The following KIF21A variants were observed in gnomAD, a reference collection of about 807,000 sequenced individuals.
KIF21A encodes the protein kinesin-like protein KIF21A.
In KIF21A, 114 loss-of-function variants were observed where a neutral mutation model predicts 202.9. That is an observed-to-expected ratio of 0.56 (90% CI 0.48 to 0.66). The LOEUF (loss-of-function observed/expected upper bound fraction) is 0.66. KIF21A is among the 30% of genes least tolerant of loss of function. The probability of loss-of-function intolerance (pLI) is 0.00; values close to 1 mark genes in which losing one functional copy is unlikely to be tolerated. For missense variants in KIF21A, 1,677 were observed against 1,994.9 expected, an observed-to-expected ratio of 0.84 and a Z score of 3.04; for synonymous variants, 667 against 670.8, an observed-to-expected ratio of 0.99 and a Z score of 0.09.
chr12:39,411,729 G>T (rs180881319), intron 1 of KIF21A, among the ~76,000 whole-genome samples: 1 of 152,030 alleles, frequency 6.6e-6, no homozygotes, highest in Non-Finnish European at 1.5e-5. Context: ...TAGAGATGAG[G>T]TTTTGCTATG....
Position 39,415,453 on chromosome 12 carries a change from G to A in KIF21A, c.44+27474C>T, listed in dbSNP as rs1953495226. Among the ~76,000 whole-genome samples, 5 of 151,946 alleles carry A rather than the reference G, an allele frequency of 3.3e-5. No individual in the cohort carries two copies. The South Asian group carries it at 1.0e-3, about 32-fold the overall frequency. On this transcript the variant is annotated intron_variant, in intron 1 of 37. Transcript: ENST00000361418. ...GACGGGGTTTCACCGCATTAGCCAG[G>A]ATGGTCTCGATCTCCTCAACTCGTG...
intron 20 of KIF21A, 66 bp from the exon 21 acceptor site, chr12:39,332,474 C>CG: frequency 1.2e-6 from 1 of 813,488 alleles, no homozygotes; most frequent in Non-Finnish European, 1.9e-6. Context: ...TACCATCAAA[C>CG]CCCCCCACCC....
chr12:39,366,565 A>G, intron 5 of KIF21A, 48 bp from the exon 6 acceptor site: 1 of 1,361,646 alleles, frequency 7.3e-7, no homozygotes, highest in Non-Finnish European at 1.0e-6. Flanking sequence ...TGTAACATTA[A>G]ATATCCTCCT....
intron 24 of KIF21A, among the ~76,000 whole-genome samples, chr12:39,328,268 A>ACC (rs200227328): frequency 6.0e-5 from 9 of 150,612 alleles, no homozygotes; most frequent in Admixed American, 6.0e-4. Context: ...TACATATGTC[A>ACC]CCCCCCCCAG....
chr12:39,356,370 G>A (rs1268820592), intron 10 of KIF21A, among the ~76,000 whole-genome samples: 1 of 152,190 alleles, frequency 6.6e-6, no homozygotes, highest in Non-Finnish European at 1.5e-5. Flanking sequence ...GTGAATGGAT[G>A]TACCACAGAG....
At chr12:39,334,200 C>CAAAAAAAAAAA (rs576176350) in intron 17 of KIF21A, among the ~76,000 whole-genome samples, 15 of 63,692 alleles carry the variant, frequency 2.4e-4, no homozygotes, top group African/African-American at 4.3e-4. Flanking sequence ...GACTCCATCT[C>CAAAAAAAAAAA]AAAAAAAAAA....
chr12:39,360,133 A>G (rs1311057174), intron 7 of KIF21A, among the ~76,000 whole-genome samples: 8 of 152,214 alleles, frequency 5.3e-5, no homozygotes, highest in Non-Finnish European at 2.9e-5. Flanking sequence ...AACATCATAT[A>G]TTAAACAAAA....
intron 1 of KIF21A, among the ~76,000 whole-genome samples, chr12:39,428,577 G>A (rs11172108): frequency 0.33 from 49,555 of 152,024 alleles, 9,978 homozygotes; most frequent in African/African-American, 0.57. Flanking sequence ...AATATGCAAT[G>A]TGACTTGTCT....
In KIF21A at chr12:39,311,407, C is replaced by T. The variant is rs2137378976; in HGVS notation, c.4096+10G>A. On this transcript the variant is annotated intron_variant, in intron 32 of 37. Transcript: ENST00000361418. ...GCTATTAAATATCTGCATTAGATAA[C>T]TACTAGCACCTTTTGATCCAGTGAA... 2 of 1,611,298 alleles carry T rather than the reference C, an allele frequency of 1.2e-6. No homozygotes were observed. Among genetic ancestry groups the T allele is most frequent in the Non-Finnish European group, 1.7e-6 (2 of 1,177,844 alleles).
intron 1 of KIF21A, among the ~76,000 whole-genome samples, chr12:39,391,650 C>T (rs767157124): frequency 2.0e-5 from 3 of 152,092 alleles, no homozygotes; most frequent in Non-Finnish European, 2.9e-5. Context: ...CTCTATCATA[C>T]CTATGTATAT....
chr12:39,303,264 G>T, intron 35 of KIF21A, 129 bp from the exon 36 acceptor site: 1 of 747,236 alleles, frequency 1.3e-6, no homozygotes, highest in Non-Finnish European at 2.2e-6. Flanking sequence ...TATTGTTTCT[G>T]GTTTGTTAAA....
At position 39,358,073 on chromosome 12, in the gene KIF21A, A is replaced by T. The variant is rs1296380681; in HGVS notation, c.1215+105T>A. 6 of 995,076 alleles carry T rather than the reference A, an allele frequency of 6.0e-6. No individual in the cohort carries two copies. In the East Asian group the frequency reaches 9.5e-5, roughly 16 times the overall value. 61.6% of individuals were successfully genotyped at this position (995,076 alleles called of 1,614,324 possible). A position where few individuals can be genotyped will look rare whatever the true frequency, so the allele number is the denominator to read the frequency against. ...CAAAAGGAAGGAGGACACTATTATG[A>T]CAACCAAGAGATTCCAGAAACACGT... On this transcript the variant is annotated intron_variant, in intron 8 of 37. Transcript: ENST00000361418.
chr12:39,311,799 T>C, intron 31 of KIF21A: 1 of 447,146 alleles, frequency 2.2e-6, no homozygotes, highest in South Asian at 2.7e-5. Context: ...ATAATACATC[T>C]AGATTTTCTT....
chr12:39,332,198 T>A lies in KIF21A; in HGVS notation c.3051+16A>T. The stretch of plus-strand genomic sequence containing the variant: ...ACTTTTCATTAAACCATTACGCTTT[T>A]TTAAAAATTACAAACCTTTGCTTCT... On this transcript the variant is annotated intron_variant, in intron 21 of 37. Coordinates refer to ENST00000361418, the MANE Select transcript of KIF21A (RefSeq NM_001173464.2). 1 of 1,610,420 alleles carries A rather than the reference T, an allele frequency of 6.2e-7. No individual in the cohort carries two copies. Among genetic ancestry groups the A allele is most frequent in the Non-Finnish European group, 8.5e-7 (1 of 1,177,360 alleles).
intron 1 of KIF21A, among the ~76,000 whole-genome samples, chr12:39,395,857 AAAG>A (rs200418230): frequency 0.062 from 9,282 of 149,452 alleles, 996 homozygotes; most frequent in African/African-American, 0.22. Context: ...AAAAAAAAAA[AAAG>A]AAGAAGAAAA....
intron 11 of KIF21A, among the ~76,000 whole-genome samples, chr12:39,351,554 T>C (rs762927479): frequency 6.6e-6 from 1 of 152,032 alleles, no homozygotes; most frequent in Non-Finnish European, 1.5e-5. Flanking sequence ...ATTGTCATGT[T>C]CTAAATAAAA....
Position 39,356,827 on chromosome 12 carries a change from T to C in KIF21A, c.1469+5A>G, listed in dbSNP as rs1415974560. ...GCATTATATGTTACAGAACATGAACTATACCTGAGATCTTCGATTTCTTTT... is the reference window on the plus strand; with the variant it reads ...GCATTATATGTTACAGAACATGAACCATACCTGAGATCTTCGATTTCTTTT... On this transcript the variant is annotated splice_donor_5th_base_variant and intron_variant, in intron 10 of 37. Transcript: ENST00000361418. The C allele has an allele frequency of 8.7e-7, 1 of 1,149,982 alleles. No individual in the cohort carries two copies. Among genetic ancestry groups the C allele is most frequent in the African/African-American group, 1.5e-5 (1 of 65,980 alleles). 71.2% of individuals were successfully genotyped at this position (1,149,982 alleles called of 1,614,324 possible). A position where few individuals can be genotyped will look rare whatever the true frequency, so the allele number is the denominator to read the frequency against.
At position 39,368,044 on chromosome 12, in the gene KIF21A, A is replaced by G. The variant is rs1565999288; in HGVS notation, c.451-12T>C. On this transcript the variant is annotated splice_polypyrimidine_tract_variant and intron_variant, in intron 3 of 37. Transcript: ENST00000361418. ...TCTTCATTATAGAGCTATCAAAAAA[A>G]TATTAGAAATCTAATTTTAGCAGAA... 2 of 1,534,960 alleles carry G rather than the reference A, an allele frequency of 1.3e-6. No homozygotes were observed. Among genetic ancestry groups the G allele is most frequent in the African/African-American group, 1.4e-5 (1 of 73,184 alleles).
intron 17 of KIF21A, among the ~76,000 whole-genome samples, chr12:39,336,337 T>A (rs973904316): frequency 6.6e-6 from 1 of 152,202 alleles, no homozygotes; most frequent in African/African-American, 2.4e-5. Context: ...CTTATAACCC[T>A]AACACAACTA....
Sources: gnomAD v4.1 joint callset for allele counts (sites outside exome capture counted in the v4.1 genomes callset) on GRCh38, gnomAD v4.1.1 for gene constraint, MANE v1.5 for transcripts, NCBI Gene and HGNC (gene_info 2026-07-23, HGNC 2026-07-21) for gene names.